DNAJC15: variants seen among roughly 807,000 people sequenced by gnomAD.
DNAJC15 encodes DnaJ heat shock protein family (Hsp40) member C15, also known as dnaJ homolog subfamily C member 15.
Under a neutral mutation model 22.4 loss-of-function variants are expected in DNAJC15, and 27 were observed. The ratio of observed to expected loss-of-function variants is 1.20; its 90% CI spans 0.89 to 1.66. The LOEUF is 1.66. Ranked by LOEUF, DNAJC15 falls within the 40% of genes most tolerant of loss-of-function variation. The pLI is 0.00. For missense variants in DNAJC15, 208 were observed against 187.1 expected (o/e 1.11, Z -0.65); for synonymous variants, 79 against 63.2 (o/e 1.25, Z -1.19).
chr13:43,093,653 C>T (rs1020274767), intron 5 of DNAJC15, among the ~76,000 whole-genome samples: 6 of 152,118 alleles, frequency 3.9e-5, no homozygotes, highest in Admixed American at 2.6e-4. Context: ...GGACTCAAGC[C>T]GTCCTGCCAC....
At chr13:43,088,328 C>T (rs1171371065) in intron 5 of DNAJC15, among the ~76,000 whole-genome samples, 1 of 152,196 alleles carries the variant, frequency 6.6e-6, no homozygotes, top group East Asian at 1.9e-4. Flanking sequence ...TTGAGAGGCA[C>T]TGATCTAATC....
chr13:43,029,386 T>A (rs547393889), intron 1 of DNAJC15, among the ~76,000 whole-genome samples: 1 of 152,350 alleles, frequency 6.6e-6, no homozygotes, highest in Admixed American at 6.5e-5. Context: ...CTTGTTTTTC[T>A]TGGACTGAAA....
intron 1 of DNAJC15, among the ~76,000 whole-genome samples, chr13:43,051,424 C>T (rs1370408273): frequency 6.6e-6 from 1 of 152,182 alleles, no homozygotes; most frequent in Non-Finnish European, 1.5e-5. Flanking sequence ...CTCGCTCCCA[C>T]CCATTACCTG....
intron 1 of DNAJC15, among the ~76,000 whole-genome samples, chr13:43,029,963 T>C (rs552816713): frequency 3.4e-4 from 51 of 151,912 alleles, no homozygotes; most frequent in African/African-American, 1.2e-3. Flanking sequence ...GGAAATGTTA[T>C]AGAATGATGA....
chr13:43,027,431 T>G (rs1292300792), intron 1 of DNAJC15, among the ~76,000 whole-genome samples: 1 of 152,156 alleles, frequency 6.6e-6, no homozygotes, highest in Non-Finnish European at 1.5e-5. Flanking sequence ...ATTATTAGGA[T>G]AGTGTAACAT....
chr13:43,091,395 G>T (rs1438191551), intron 5 of DNAJC15, among the ~76,000 whole-genome samples: 1 of 152,138 alleles, frequency 6.6e-6, no homozygotes, highest in East Asian at 1.9e-4. Context: ...GCCAATTCAG[G>T]TTATTTAAAA....
At chr13:43,061,731 A>G (rs2040560115) in intron 1 of DNAJC15, among the ~76,000 whole-genome samples, 1 of 152,264 alleles carries the variant, frequency 6.6e-6, no homozygotes, top group African/African-American at 2.4e-5. Context: ...ACTTATCACC[A>G]AGGGAATGGC....
intron 1 of DNAJC15, among the ~76,000 whole-genome samples, chr13:43,038,702 G>C (rs1254827943): frequency 6.6e-6 from 1 of 151,268 alleles, no homozygotes; most frequent in Non-Finnish European, 1.5e-5. Context: ...TGAGGCAGGA[G>C]AATGGCATGA....
chr13:43,044,463 C>T (rs2040467324), intron 1 of DNAJC15, among the ~76,000 whole-genome samples: 1 of 152,158 alleles, frequency 6.6e-6, no homozygotes, highest in South Asian at 2.1e-4. Context: ...TACCCTTTCT[C>T]TGCCACAGAC....
At position 43,023,711 on chromosome 13, in the gene DNAJC15, G is replaced by C. The variant is rs768695891; in HGVS notation, c.85G>C (p.Ala29Pro). 1 of 1,611,194 alleles carries C rather than the reference G, an allele frequency of 6.2e-7. No homozygotes were observed. Among genetic ancestry groups the C allele is most frequent in the Non-Finnish European group, 8.5e-7 (1 of 1,179,048 alleles). Residue 29 changes from alanine (A) to proline (P), a missense_variant, in exon 1 of 6, where the codon GCC (alanine) becomes CCC (proline). Transcript: ENST00000379221. ...GCAGCCCTCGGCCAAACGGCCAGAC[G>C]CCGACGTCGACCAGCAGAGACTGGT... ...YLQPSAKRPDADVDQQRLVRS... is the reference protein window; with the variant it reads ...YLQPSAKRPDPDVDQQRLVRS...
At chr13:43,066,755 T>G (rs1271823740) in intron 2 of DNAJC15, among the ~76,000 whole-genome samples, 1 of 152,176 alleles carries the variant, frequency 6.6e-6, no homozygotes, top group Non-Finnish European at 1.5e-5. Flanking sequence ...CCCGAGTAGC[T>G]GGGACTACAG....
At chr13:43,054,715 A>G (rs2040521265) in intron 1 of DNAJC15, among the ~76,000 whole-genome samples, 1 of 152,150 alleles carries the variant, frequency 6.6e-6, no homozygotes, top group Admixed American at 6.5e-5. Context: ...GTACTCTTGA[A>G]TGATCTTTTT....
intron 1 of DNAJC15, among the ~76,000 whole-genome samples, chr13:43,036,606 G>A (rs987937202): frequency 6.6e-6 from 1 of 152,240 alleles, no homozygotes; most frequent in Non-Finnish European, 1.5e-5. Context: ...GCTTGAAGGA[G>A]GGGTTCTGCC....
intron 1 of DNAJC15, among the ~76,000 whole-genome samples, chr13:43,028,203 A>G (rs1317405768): frequency 6.6e-6 from 1 of 152,196 alleles, no homozygotes; most frequent in Non-Finnish European, 1.5e-5. Context: ...AGTGAGTACC[A>G]TACACAAAAA....
At chr13:43,060,584 T>C (rs547182229) in intron 1 of DNAJC15, among the ~76,000 whole-genome samples, 131 of 152,314 alleles carry the variant, frequency 8.6e-4, no homozygotes, top group African/African-American at 3.1e-3. Flanking sequence ...AACAACACTC[T>C]TCATTAAAAA....
chr13:43,091,367 C>T (rs376536425), intron 5 of DNAJC15, among the ~76,000 whole-genome samples: 7 of 152,318 alleles, frequency 4.6e-5, no homozygotes, highest in African/African-American at 1.7e-4. Flanking sequence ...GGATTACAGG[C>T]GTGAGCCACT....
chr13:43,076,184 A>G (rs906254003), intron 3 of DNAJC15, among the ~76,000 whole-genome samples: 1 of 152,138 alleles, frequency 6.6e-6, no homozygotes, highest in Non-Finnish European at 1.5e-5. Flanking sequence ...CTTGGAGAGT[A>G]TATTATATTC....
At chr13:43,051,991 G>A (rs984492374) in intron 1 of DNAJC15, among the ~76,000 whole-genome samples, 1 of 151,978 alleles carries the variant, frequency 6.6e-6, no homozygotes, top group African/African-American at 2.4e-5. Context: ...TTGAGATGGA[G>A]TTTTGCTCTG....
chr13:43,036,340 CAG>C (rs2040428895), intron 1 of DNAJC15, among the ~76,000 whole-genome samples: 1 of 151,984 alleles, frequency 6.6e-6, no homozygotes, highest in African/African-American at 2.4e-5. Flanking sequence ...CAGCCCTCAA[CAG>C]AGAGGAGACT....
Sources: allele counts gnomAD v4.1 joint callset (sites outside exome capture counted in the v4.1 genomes callset), GRCh38; gene constraint gnomAD v4.1.1; transcripts MANE v1.5; gene names NCBI Gene and HGNC (gene_info 2026-07-23, HGNC 2026-07-21).